NT5DC4: variants seen among roughly 807,000 people sequenced by gnomAD.
NT5DC4 encodes the protein 5'-nucleotidase domain containing 4, also known as 5'-nucleotidase domain-containing protein 4.
In NT5DC4, 44 loss-of-function variants were observed where a neutral mutation model predicts 26.6. The ratio of observed to expected loss-of-function variants is 1.65; its 90% CI spans 1.30 to 2.13. NT5DC4 has a LOEUF of 2.13. Among genes scored for constraint, NT5DC4 ranks in the 30% most tolerant of loss-of-function variants. The pLI is 0.00. For missense variants in NT5DC4, 399 were observed against 228.1 expected (o/e 1.75, Z -4.83); for synonymous variants, 157 against 86.7 (o/e 1.81, Z -4.51).
At chr2:112,734,165 A>ATGTG (rs1158607543) in intron 16 of NT5DC4, among the ~76,000 whole-genome samples, 1 of 7,564 alleles carries the variant, frequency 1.3e-4, no homozygotes, top group Non-Finnish European at 2.8e-4. Flanking sequence ...ATGCTATTAT[A>ATGTG]TATATGTGTG....
At chr2:112,721,011 C>T (rs528932622), upstream of NT5DC4, among the ~76,000 whole-genome samples, 52 of 152,296 alleles carry the variant, frequency 3.4e-4, no homozygotes, top group South Asian at 7.0e-3. Context: ...AGGAGAGTGG[C>T]TGGGCCCCAC....
rs1466949988 is a variant in NT5DC4, at chr2:112,724,831, G to A, written c.840G>A (p.Val280=). The change falls in exon 11 of 17, where the codon GTG becomes GTA. Residue 280 remains valine, a synonymous_variant. Coordinates refer to ENST00000688554, the MANE Select transcript of NT5DC4 (RefSeq NM_001393655.1). ...GGTCCTACTTTGACCTGATCGTGGT[G>A]GACACGCAGAAGCCCCACTTCTTTG... is the stretch of plus-strand genomic sequence containing the variant. ...PWRSYFDLIV[V]DTQKPHFFAE... The A allele has an allele frequency of 7.0e-6, 5 of 717,100 alleles. No homozygotes were observed. The highest frequency in any genetic ancestry group is 1.3e-5 in the Non-Finnish European group (5 of 385,040). 44.4% of individuals were successfully genotyped at this position (717,100 alleles called of 1,614,324 possible). A position where few individuals can be genotyped will look rare whatever the true frequency, so the allele number is the denominator to read the frequency against.
intron 14 of NT5DC4, 113 bp downstream of exon 14, chr2:112,726,402 G>C: frequency 2.9e-6 from 2 of 694,444 alleles, no homozygotes; most frequent in Non-Finnish European, 2.7e-6. Flanking sequence ...AGAACATCAA[G>C]ATCTGTTTCA....
upstream of NT5DC4, among the ~76,000 whole-genome samples, chr2:112,720,301 G>A (rs1415453601): frequency 6.6e-6 from 1 of 150,386 alleles, no homozygotes; most frequent in Non-Finnish European, 1.5e-5. Flanking sequence ...TCCTGACCAC[G>A]TATCCACCCA....
chr2:112,729,856 A>C (rs1678269496), intron 16 of NT5DC4, among the ~76,000 whole-genome samples, 152 bp downstream of exon 16: 1 of 152,128 alleles, frequency 6.6e-6, no homozygotes, highest in South Asian at 2.1e-4. Flanking sequence ...GTCATTCCTC[A>C]TTATTTATGT....
chr2:112,742,289 C>A (rs1680029537), downstream of NT5DC4: 10 of 686,750 alleles, frequency 1.5e-5, no homozygotes, highest in South Asian at 1.6e-4. Context: ...CAGTGATGGT[C>A]ATCCAATTGA....
Position 112,738,905 on chromosome 2 carries a change from T to A in NT5DC4, c.1345-8T>A, listed in dbSNP as rs1679614804. 1.9e-6 allele frequency: 3 copies of A among 1,614,124 alleles called. No individual in the cohort carries two copies. The East Asian group carries it at 6.7e-5, about 36-fold the overall frequency. ...TATAAAACATTTTGTTTCTTCCACT[T>A]CTAACAGTTCATCAAGAGAAGCCAC... On this transcript the variant is annotated splice_polypyrimidine_tract_variant and splice_region_variant and intron_variant, in intron 16 of 16. Transcript: ENST00000688554.
Position 112,725,199 on chromosome 2 carries a change from C to G in NT5DC4, c.941C>G (p.Thr314Ser), listed in dbSNP as rs770424863. The change falls in exon 12 of 17, where the codon ACC (threonine) becomes AGC (serine). Residue 314 changes from threonine to serine, a missense_variant. Thr to Ser is a moderately conservative substitution (Grantham distance 58). Transcript: ENST00000688554. ...GACTCAGGAAAGCTCCACGTGGGCA[C>G]CTACACAGGGCCCCACCAGCACTGT... ...AEDSGKLHVGTYTGPHQHCAV... is the reference protein window; with the variant it reads ...AEDSGKLHVGSYTGPHQHCAV... The G allele has an allele frequency of 1.8e-5, 13 of 716,118 alleles. No homozygotes were observed. The highest frequency in any genetic ancestry group is 2.6e-5 in the Non-Finnish European group (10 of 384,212). 44.4% of individuals were successfully genotyped at this position (716,118 alleles called of 1,614,324 possible). A position where few individuals can be genotyped will look rare whatever the true frequency, so the allele number is the denominator to read the frequency against.
chr2:112,720,891 T>C (rs1283628154), upstream of NT5DC4, among the ~76,000 whole-genome samples: 4 of 152,142 alleles, frequency 2.6e-5, no homozygotes, highest in African/African-American at 9.7e-5. Context: ...GAGAAAAGGA[T>C]GGGATACCAG....
chr2:112,735,801 A>T lies in NT5DC4; in HGVS notation c.1345-3112A>T, dbSNP rs368805976. Among the ~76,000 whole-genome samples, 9 of 152,204 alleles carry T rather than the reference A, an allele frequency of 5.9e-5. No individual in the cohort carries two copies. The East Asian group carries it at 1.4e-3, about 23-fold the overall frequency. ...TTCCACAACCTTTTGTGTCTGCAAG[A>T]CTCTATAGTCTGACGAGGCTGATCG... On this transcript the variant is annotated intron_variant, in intron 16 of 16. Coordinates refer to ENST00000688554, the MANE Select transcript of NT5DC4 (RefSeq NM_001393655.1).
At chr2:112,720,827 G>A (rs72950345), upstream of NT5DC4, among the ~76,000 whole-genome samples, 2,862 of 152,294 alleles carry the variant, frequency 0.019, 87 homozygotes, top group African/African-American at 0.065. Flanking sequence ...TAGGAATGAG[G>A]AGGGTGCAGT....
chr2:112,722,119 C>G lies in NT5DC4; in HGVS notation c.266+16C>G, dbSNP rs1460712816. 1.4e-6 allele frequency: 1 copy of G among 716,462 alleles called. No homozygotes were observed. The highest frequency in any genetic ancestry group is 1.5e-5 in the South Asian group (1 of 67,568). The allele number at this position is 716,462 out of a possible 1,614,324, so 44.4% of individuals were successfully genotyped here. A position where few individuals can be genotyped will look rare whatever the true frequency, so the allele number is the denominator to read the frequency against. ...TCCCCACCAGGTGTGTGGCTCAGGACAGGTGGGAGGCCACCCGGCCTTGGT... is the reference window on the plus strand; with the variant it reads ...TCCCCACCAGGTGTGTGGCTCAGGAGAGGTGGGAGGCCACCCGGCCTTGGT... On this transcript the variant is annotated intron_variant, in intron 3 of 16. Coordinates refer to ENST00000688554, the MANE Select transcript of NT5DC4 (RefSeq NM_001393655.1).
chr2:112,727,309 C>T lies in NT5DC4; in HGVS notation c.1266+571C>T, dbSNP rs1358066942. The T allele has an allele frequency of 2.4e-5, 4 of 167,516 alleles. No homozygotes were observed. In the East Asian group the frequency reaches 5.1e-4, roughly 21 times the overall value. The allele number at this position is 167,516 out of a possible 1,614,324, so 10.4% of individuals were successfully genotyped here. ...CCACAGCCTTAAGAGGTGGATGGAG[C>T]AGGGATTGTCACCTTTATTTTACAG... is the stretch of plus-strand genomic sequence containing the variant. On this transcript the variant is annotated intron_variant, in intron 15 of 16. Coordinates refer to ENST00000688554, the MANE Select transcript of NT5DC4 (RefSeq NM_001393655.1).
chr2:112,731,272 T>C (rs1315401230), intron 16 of NT5DC4: 2 of 152,028 alleles, frequency 1.3e-5, no homozygotes, highest in Non-Finnish European at 2.9e-5. Context: ...AACACTTCTT[T>C]TAGGGAGGAG....
At chr2:112,740,352 A>G (rs1679831866), downstream of NT5DC4, among the ~76,000 whole-genome samples, 3 of 152,182 alleles carry the variant, frequency 2.0e-5, no homozygotes, top group South Asian at 6.2e-4. Flanking sequence ...ATTTTAGAAA[A>G]TGACACTGAC....
chr2:112,726,643 G>A (rs1467111587), intron 14 of NT5DC4, 35 bp from the exon 15 acceptor site: 1 of 717,472 alleles, frequency 1.4e-6, no homozygotes, highest in South Asian at 1.5e-5. Context: ...GAGGCTCTGT[G>A]CCTCCCCTGG....
intron 1 of NT5DC4, 41 bp from the exon 2 acceptor site, chr2:112,721,777 G>T (rs1184205594): frequency 1.4e-6 from 1 of 717,082 alleles, no homozygotes; most frequent in Non-Finnish European, 2.6e-6. Context: ...GATTCTGGGG[G>T]GCTGGTGGAC....
downstream of NT5DC4, chr2:112,739,146 T>C: frequency 1.1e-6 from 1 of 925,614 alleles, no homozygotes; most frequent in Non-Finnish European, 1.7e-6. Flanking sequence ...AGGGAAGACA[T>C]TTTAACATAG....
chr2:112,725,034 G>A (rs972206093), intron 11 of NT5DC4, 128 bp downstream of exon 11: 13 of 650,110 alleles, frequency 2.0e-5, no homozygotes, highest in East Asian at 1.6e-4. Flanking sequence ...ACCCGAGGCC[G>A]CCTTCAGCGC....
Sources: allele counts gnomAD v4.1 joint callset (sites outside exome capture counted in the v4.1 genomes callset), GRCh38; gene constraint gnomAD v4.1.1; transcripts MANE v1.5; gene names NCBI Gene and HGNC (gene_info 2026-07-23, HGNC 2026-07-21).